The following SLC9A1 variants were observed in gnomAD, a reference collection of about 807,000 sequenced individuals.
SLC9A1 encodes the protein solute carrier family 9 member A1.
Under a neutral mutation model 67.9 loss-of-function variants are expected in SLC9A1, and 22 were observed. The ratio of observed to expected loss-of-function variants is 0.32; its 90% CI spans 0.23 to 0.46. The LOEUF (loss-of-function observed/expected upper bound fraction) is 0.46, where lower values mean the gene tolerates loss of function less well. Ranked by LOEUF, SLC9A1 falls within the 20% of genes least tolerant of loss-of-function variation. The pLI, the probability that SLC9A1 is intolerant of heterozygous loss-of-function variation, is 1.00. For missense variants in SLC9A1, 686 were observed against 1,094.8 expected (o/e 0.63, Z 5.27); for synonymous variants, 421 against 471.8 (o/e 0.89, Z 1.40).
At chr1:27,131,006 C>T (rs927319067) in intron 1 of SLC9A1, among the ~76,000 whole-genome samples, 1 of 152,226 alleles carries the variant, frequency 6.6e-6, no homozygotes, top group Non-Finnish European at 1.5e-5. Context: ...GATAAGGAAG[C>T]CTTTGTCAGT....
In SLC9A1 at chr1:27,100,592, C is replaced by T. The variant is rs779075735; in HGVS notation, c.2163G>A (p.Pro721=). ...CAGACTCGGGTGACTGCGGGGAAGC[C>T]GGGTCGATGGTGATGACAGGCAGGT... ...KEDLPVITID[P]ASPQSPESVD... is the part of the protein sequence containing the mutation. Residue 721 remains proline, a synonymous_variant, in exon 12 of 12, where the codon CCG becomes CCA. Coordinates refer to ENST00000263980, the MANE Select transcript of SLC9A1 (RefSeq NM_003047.5). This position sits in a 1 kb window ranked among gnomAD's most constrained non-coding sequence, Gnocchi z 5.6. The T allele has an allele frequency of 1.2e-5, 20 of 1,613,550 alleles. No individual in the cohort carries two copies. The East Asian group carries it at 2.0e-4, about 16-fold the overall frequency.
intron 1 of SLC9A1, among the ~76,000 whole-genome samples, chr1:27,147,287 G>A (rs1468759205): frequency 1.1e-4 from 11 of 100,964 alleles, no homozygotes; most frequent in African/African-American, 3.9e-4. Context: ...GCAAAAGAGC[G>A]AGACTCTGTC....
rs2083210654 is a variant in SLC9A1 at position 27,109,291 on chromosome 1, T to C, written c.1064+236A>G. ...TCTGCTCATAGCCTGAAATGCCCTCTCCCGATTCCTGGACCCCAGGGGGCG... is the reference window on the plus strand; with the variant it reads ...TCTGCTCATAGCCTGAAATGCCCTCCCCCGATTCCTGGACCCCAGGGGGCG... On this transcript the variant is annotated intron_variant, in intron 3 of 11. Transcript: ENST00000263980. The surrounding 1 kb of genome is among the most constrained non-coding windows in gnomAD (Gnocchi z 5.5). Among the ~76,000 whole-genome samples the C allele has an allele frequency of 6.6e-6, 1 of 152,148 alleles. No homozygotes were observed. Among genetic ancestry groups the C allele is most frequent in the Admixed American group, 6.5e-5 (1 of 15,270 alleles).
intron 1 of SLC9A1, among the ~76,000 whole-genome samples, chr1:27,141,223 T>C (rs536257399): frequency 6.6e-6 from 1 of 152,098 alleles, no homozygotes; most frequent in Non-Finnish European, 1.5e-5. Context: ...TTAAAAAAAA[T>C]TTTTTTAAAA....
chr1:27,153,968 G>T lies in SLC9A1; in HGVS notation c.352+15C>A. On this transcript the variant is annotated intron_variant, in intron 1 of 11. Coordinates refer to ENST00000263980, the MANE Select transcript of SLC9A1 (RefSeq NM_003047.5). ...GTCTGGTGGCGGCCGCAGCATCGGA[G>T]CAAACGGGACTTACCTATCTTCATG... 6.6e-7 allele frequency: 1 copy of T among 1,513,912 alleles called. No individual in the cohort carries two copies. Among genetic ancestry groups the T allele is most frequent in the Non-Finnish European group, 8.9e-7 (1 of 1,118,244 alleles). 93.8% of individuals were successfully genotyped at this position (1,513,912 alleles called of 1,614,324 possible).
At chr1:27,126,987 A>T (rs1291984864) in intron 1 of SLC9A1, among the ~76,000 whole-genome samples, 2 of 151,950 alleles carry the variant, frequency 1.3e-5, no homozygotes. Context: ...TACAGGTAGA[A>T]GATTTATTTT....
chr1:27,132,019 A>G (rs2083390062), intron 1 of SLC9A1, among the ~76,000 whole-genome samples: 1 of 149,330 alleles, frequency 6.7e-6, no homozygotes, highest in African/African-American at 2.5e-5. Flanking sequence ...TAATCCTCAC[A>G]ACTATTCAAA....
rs954974589 is a variant in SLC9A1, at chr1:27,114,975, C to T, written c.353-689G>A. ...ACGGCTCAAGGATGTCAGTGGCAAC[C>T]AGCTTTGGCAGGTGAGATAAAATCT... On this transcript the variant is annotated intron_variant, in intron 1 of 11. Coordinates refer to ENST00000263980, the MANE Select transcript of SLC9A1 (RefSeq NM_003047.5). The surrounding 1 kb of genome is among the most constrained non-coding windows in gnomAD (Gnocchi z 5.4). Among the ~76,000 whole-genome samples the T allele has an allele frequency of 6.6e-6, 1 of 152,184 alleles. No individual in the cohort carries two copies. Among genetic ancestry groups the T allele is most frequent in the African/African-American group, 2.4e-5 (1 of 41,446 alleles).
At chr1:27,130,720 T>C (rs1241093352) in intron 1 of SLC9A1, among the ~76,000 whole-genome samples, 2 of 152,284 alleles carry the variant, frequency 1.3e-5, no homozygotes, top group Admixed American at 6.5e-5. Flanking sequence ...AGTAGAGAAA[T>C]TGAGGCTCAG....
rs1176754904 is a variant in SLC9A1 at position 27,107,631 on chromosome 1, C to G, written c.1282+17G>C. The G allele has an allele frequency of 6.5e-7, 1 of 1,543,720 alleles. No homozygotes were observed. The highest frequency in any genetic ancestry group is 2.0e-5 in the Admixed American group (1 of 50,996). On this transcript the variant is annotated intron_variant, in intron 4 of 11. Coordinates refer to ENST00000263980, the MANE Select transcript of SLC9A1 (RefSeq NM_003047.5). ...CCCACACCACAACCCCCACCCCGCC[C>G]CAGCCCTGGCCCTCACCCAGCACGC...
chr1:27,108,665 G>A (rs114968908), intron 3 of SLC9A1, among the ~76,000 whole-genome samples: 225 of 152,084 alleles, frequency 1.5e-3, no homozygotes, highest in African/African-American at 5.0e-3. Flanking sequence ...GTGGGACCCC[G>A]TCTCAAATAA....
chr1:27,142,292 G>A (rs1046085114), intron 1 of SLC9A1, among the ~76,000 whole-genome samples: 16 of 152,200 alleles, frequency 1.1e-4, no homozygotes, highest in African/African-American at 3.6e-4. Flanking sequence ...GAGTGGCCTG[G>A]GGCCAATCCT....
chr1:27,154,090 C>A lies in SLC9A1; in HGVS notation c.245G>T (p.Gly82Val). The part of the protein sequence containing the change: ...RPVNHSVTDH[G>V]MKPRKAFPVL... ...TGGAAAGGCCTTGCGCGGCTTCATG[C>A]CATGATCAGTGACGGAATGATTAAC... The change falls in exon 1 of 12, where the codon GGC (glycine) becomes GTC (valine). Residue 82 changes from glycine (G) to valine (V), a missense_variant. By Grantham distance (109) the Gly-to-Val change is moderately radical. Coordinates refer to ENST00000263980, the MANE Select transcript of SLC9A1 (RefSeq NM_003047.5). The A allele has an allele frequency of 6.2e-7, 1 of 1,613,938 alleles. No individual in the cohort carries two copies. The highest frequency in any genetic ancestry group is 8.5e-7 in the Non-Finnish European group (1 of 1,179,924).
At chr1:27,131,820 C>T (rs1438873500) in intron 1 of SLC9A1, among the ~76,000 whole-genome samples, 1 of 143,292 alleles carries the variant, frequency 7.0e-6, no homozygotes, top group Non-Finnish European at 1.5e-5. Flanking sequence ...ACATGGGAGG[C>T]TGAGGCAGGA....
At position 27,101,778 on chromosome 1, in the gene SLC9A1, C is replaced by A. The variant is rs1233932355; in HGVS notation, c.1984G>T (p.Ala662Ser). Reference protein sequence around the residue: ...HTLVADPYEEAWNQMLLRRQK... With the variant: ...HTLVADPYEESWNQMLLRRQK... ...CTCCGGAGCAGCATCTGGTTCCAGG[C>A]TTCCTCGTAGGGGTCTGCCACCAGC... is the stretch of plus-strand genomic sequence containing the variant. The change falls in exon 10 of 12, where the codon GCC (alanine) becomes TCC (serine). Residue 662 changes from alanine (A) to serine (S), a missense_variant. Transcript: ENST00000263980. The surrounding 1 kb of genome is among the most constrained non-coding windows in gnomAD (Gnocchi z 4.9). 1.9e-6 allele frequency: 3 copies of A among 1,613,180 alleles called. No homozygotes were observed. Among genetic ancestry groups the A allele is most frequent in the Admixed American group, 3.3e-5 (2 of 60,028 alleles).
Position 27,099,753 on chromosome 1 carries a change from C to G in SLC9A1, c.*554G>C, listed in dbSNP as rs1426267886. Reference sequence around the variant, plus strand: ...ACTCAGAGATGCCCTCAGCCCGCAGCTCTGAGTAAGGACAGGTTGGGTGGT... The same window carrying G: ...ACTCAGAGATGCCCTCAGCCCGCAGGTCTGAGTAAGGACAGGTTGGGTGGT... On this transcript the variant is annotated 3_prime_UTR_variant, in exon 12 of 12. Coordinates refer to ENST00000263980, the MANE Select transcript of SLC9A1 (RefSeq NM_003047.5). The G allele has an allele frequency of 6.5e-6, 1 of 152,858 alleles. No homozygotes were observed. 9.5% of individuals were successfully genotyped at this position (152,858 alleles called of 1,614,324 possible).
chr1:27,113,158 C>T (rs1182994071), intron 2 of SLC9A1, among the ~76,000 whole-genome samples: 1 of 152,022 alleles, frequency 6.6e-6, no homozygotes, highest in Non-Finnish European at 1.5e-5. Flanking sequence ...CCCAAGCTCA[C>T]ATCAAAATGC....
chr1:27,152,806 C>T (rs1368611273), intron 1 of SLC9A1, among the ~76,000 whole-genome samples: 1 of 152,170 alleles, frequency 6.6e-6, no homozygotes, highest in Non-Finnish European at 1.5e-5. Context: ...CTGCCTCACA[C>T]CAGCCCGGCA....
rs922797047 is a variant in SLC9A1, at chr1:27,114,586, T to C, written c.353-300A>G. Among the ~76,000 whole-genome samples, 3 of 152,248 alleles carry C rather than the reference T, an allele frequency of 2.0e-5. No homozygotes were observed. Among genetic ancestry groups the C allele is most frequent in the African/African-American group, 7.2e-5 (3 of 41,462 alleles). On this transcript the variant is annotated intron_variant, in intron 1 of 11. Coordinates refer to ENST00000263980, the MANE Select transcript of SLC9A1 (RefSeq NM_003047.5). This position sits in a 1 kb window ranked among gnomAD's most constrained non-coding sequence, Gnocchi z 5.4. ...ATAAAATGTTAGAAAGCAGCAGTTC[T>C]ATATGCTTCCAGAAGGCAGAAATTA... is the stretch of plus-strand genomic sequence containing the variant.
Sources: allele counts gnomAD v4.1 joint callset (sites outside exome capture counted in the v4.1 genomes callset), GRCh38; gene constraint gnomAD v4.1.1; non-coding constraint Gnocchi (gnomAD v3.1); transcripts MANE v1.5; gene names NCBI Gene and HGNC (gene_info 2026-07-23, HGNC 2026-07-21).